Variants in MREG observed in about 807,000 individuals in gnomAD.
MREG encodes dilute suppressor protein homolog.
A neutral mutation model predicts 28.5 loss-of-function variants in MREG; 31 were observed. The observed-to-expected ratio is 1.09, with a 90% CI of 0.82 to 1.47. The LOEUF (loss-of-function observed/expected upper bound fraction) is 1.47, where lower values mean the gene tolerates loss of function less well. Ranked by LOEUF, MREG falls within the 40% of genes most tolerant of loss-of-function variation. MREG has a pLI of 0.00. For missense variants in MREG, 256 were observed against 257.4 expected, an observed-to-expected ratio of 0.99 and a Z score of 0.04; for synonymous variants, 106 against 95.2, an observed-to-expected ratio of 1.11 and a Z score of -0.66.
At chr2:215,977,767 C>G (rs1321616892) in intron 2 of MREG, among the ~76,000 whole-genome samples, 1 of 152,164 alleles carries the variant, frequency 6.6e-6, no homozygotes, top group Admixed American at 6.5e-5. Context: ...GAACAACCTG[C>G]TCCTGAATGA....
At chr2:216,007,871 C>T (rs1694202384) in intron 1 of MREG, among the ~76,000 whole-genome samples, 1 of 151,896 alleles carries the variant, frequency 6.6e-6, no homozygotes, top group Admixed American at 6.6e-5. Flanking sequence ...AGGGTGTTGG[C>T]CATGAGTTCA....
intron 1 of MREG, among the ~76,000 whole-genome samples, chr2:216,028,918 A>G (rs1694638446): frequency 6.6e-6 from 1 of 152,098 alleles, no homozygotes; most frequent in Non-Finnish European, 1.5e-5. Flanking sequence ...AGAACATAAA[A>G]AGGAAGAAAA....
At chr2:215,939,946 C>A (rs955359806), downstream of MREG, among the ~76,000 whole-genome samples, 1 of 152,140 alleles carries the variant, frequency 6.6e-6, no homozygotes, top group Admixed American at 6.5e-5. Flanking sequence ...TAGGCCTAAG[C>A]TTCCTCTAGC....
At chr2:215,974,430 C>T (rs1693185730) in intron 2 of MREG, among the ~76,000 whole-genome samples, 1 of 152,116 alleles carries the variant, frequency 6.6e-6, no homozygotes, top group African/African-American at 2.4e-5. Context: ...TGGAGGGCTC[C>T]TCAGAACCCT....
chr2:215,948,146 G>A (rs1206839941), intron 2 of MREG, among the ~76,000 whole-genome samples: 1 of 152,130 alleles, frequency 6.6e-6, no homozygotes, highest in Non-Finnish European at 1.5e-5. Flanking sequence ...TCTCTACTAA[G>A]TTCTGTACAA....
intron 2 of MREG, among the ~76,000 whole-genome samples, chr2:215,961,835 C>T (rs1692799700): frequency 6.6e-6 from 1 of 152,122 alleles, no homozygotes; most frequent in Admixed American, 6.5e-5. Context: ...CCACCTGCTG[C>T]TCCCATCACC....
chr2:215,999,549 T>C (rs1042476475), intron 1 of MREG, among the ~76,000 whole-genome samples: 4 of 152,170 alleles, frequency 2.6e-5, no homozygotes, highest in Admixed American at 1.3e-4. Flanking sequence ...TTGTTAGAGC[T>C]AGAAGGAAGA....
chr2:216,022,451 C>A (rs1221589501), intron 1 of MREG, among the ~76,000 whole-genome samples: 1 of 152,176 alleles, frequency 6.6e-6, no homozygotes, highest in Non-Finnish European at 1.5e-5. Flanking sequence ...ATTCTTATAG[C>A]TAACTATGTT....
intron 2 of MREG, among the ~76,000 whole-genome samples, chr2:215,957,877 C>T (rs984717236): frequency 1.3e-5 from 2 of 152,034 alleles, no homozygotes; most frequent in Admixed American, 6.6e-5. Flanking sequence ...CAATGATAGA[C>T]TGGATTAAGA....
chr2:215,981,614 C>T (rs1194706491), intron 2 of MREG, among the ~76,000 whole-genome samples: 2 of 152,038 alleles, frequency 1.3e-5, no homozygotes, highest in African/African-American at 4.8e-5. Flanking sequence ...CCAAACTGTA[C>T]CACTTAACTG....
At chr2:216,026,711 G>A (rs1694601097) in intron 1 of MREG, among the ~76,000 whole-genome samples, 1 of 151,396 alleles carries the variant, frequency 6.6e-6, no homozygotes, top group Non-Finnish European at 1.5e-5. Context: ...AAATAAAATG[G>A]GGTAAAACAT....
At chr2:215,984,800 A>C (rs924359769) in intron 2 of MREG, among the ~76,000 whole-genome samples, 4 of 152,232 alleles carry the variant, frequency 2.6e-5, no homozygotes, top group African/African-American at 9.6e-5. Context: ...ACTTTCTGAA[A>C]CGTGGTCACC....
intron 1 of MREG, among the ~76,000 whole-genome samples, chr2:216,025,299 T>A (rs1694578984): frequency 6.6e-6 from 1 of 152,120 alleles, no homozygotes; most frequent in Non-Finnish European, 1.5e-5. Flanking sequence ...AAAGAAGACC[T>A]CTACTACCCA....
At chr2:215,988,249 C>T (rs1158175994) in intron 2 of MREG, among the ~76,000 whole-genome samples, 1 of 152,142 alleles carries the variant, frequency 6.6e-6, no homozygotes, top group Non-Finnish European at 1.5e-5. Context: ...AGAGGGCAAG[C>T]TGAAGCAGGG....
At chr2:216,003,498 C>T (rs967971053) in intron 1 of MREG, among the ~76,000 whole-genome samples, 1 of 152,166 alleles carries the variant, frequency 6.6e-6, no homozygotes, top group Non-Finnish European at 1.5e-5. Context: ...TTCATTCACA[C>T]CTGGTCACTT....
chr2:215,993,857 A>T (rs1307795960), intron 2 of MREG, among the ~76,000 whole-genome samples: 1 of 152,228 alleles, frequency 6.6e-6, no homozygotes, highest in South Asian at 2.1e-4. Flanking sequence ...TCAAAACTAC[A>T]ATGAGATACC....
chr2:216,028,311 C>T (rs767821608), intron 1 of MREG, among the ~76,000 whole-genome samples: 1 of 151,838 alleles, frequency 6.6e-6, no homozygotes, highest in Non-Finnish European at 1.5e-5. Context: ...GTCAGGAGAT[C>T]GAGATCACGA....
intron 1 of MREG, among the ~76,000 whole-genome samples, chr2:216,020,584 A>T (rs1259458209): frequency 6.6e-6 from 1 of 152,212 alleles, no homozygotes. Context: ...AGTGAAGAGG[A>T]GCTGAGGAGA....
At chr2:215,963,012 C>T (rs1408522320) in intron 2 of MREG, among the ~76,000 whole-genome samples, 1 of 152,146 alleles carries the variant, frequency 6.6e-6, no homozygotes, top group Non-Finnish European at 1.5e-5. Context: ...CCTGTAGCCC[C>T]AGCTTCTCAG....
Sources: gnomAD v4.1 joint callset for allele counts (sites outside exome capture counted in the v4.1 genomes callset) on GRCh38, gnomAD v4.1.1 for gene constraint, MANE v1.5 for transcripts, NCBI Gene and HGNC (gene_info 2026-07-23, HGNC 2026-07-21) for gene names.